Variants in TENM1 observed in about 807,000 individuals in gnomAD.
The protein encoded by TENM1 is teneurin transmembrane protein 1, also known as teneurin-1.
A neutral mutation model predicts 174.8 loss-of-function variants in TENM1; 35 were observed. The observed-to-expected ratio is 0.20, with a 90% CI of 0.15 to 0.27. The LOEUF is 0.27. Among genes scored for constraint, TENM1 ranks in the 10% least tolerant of loss-of-function variants. The pLI is 1.00. For synonymous variants in TENM1, 781 were observed against 798.7 expected (o/e 0.98, Z 0.37); for missense variants, 1,633 against 2,130.1 (o/e 0.77, Z 4.59).
intron 22 of TENM1, among the ~76,000 whole-genome samples, chrX:124,462,437 GGGT>G (rs1394978680): frequency 0.044 from 4,261 of 96,911 alleles, 112 homozygotes; most frequent in Middle Eastern, 0.056. Context: ...TGTGTGGGGG[GGGT>G]GGGGGTGGGG....
At chrX:124,626,647 T>G (rs1018813131) in intron 11 of TENM1, among the ~76,000 whole-genome samples, 1 of 112,203 alleles carries the variant, frequency 8.9e-6, no homozygotes, top group African/African-American at 3.2e-5. Flanking sequence ...CTTTAAACTT[T>G]TATCTATTAC....
At chrX:125,148,141 G>GA in the TENM1 span, among the ~76,000 whole-genome samples, 1 of 110,920 alleles carries the variant, frequency 9.0e-6, no homozygotes, top group African/African-American at 3.3e-5. Flanking sequence ...TGCCTCATCT[G>GA]AAAACTTGCT....
intron 11 of TENM1, among the ~76,000 whole-genome samples, chrX:124,613,284 G>GA (rs1463802620): frequency 9.0e-6 from 1 of 110,828 alleles, no homozygotes; most frequent in Non-Finnish European, 1.9e-5. Context: ...GCATTATGAG[G>GA]AAAAAATAGA....
chrX:124,880,813 C>G (rs969587873), intron 3 of TENM1, among the ~76,000 whole-genome samples: 2 of 111,548 alleles, frequency 1.8e-5, no homozygotes, highest in African/African-American at 6.5e-5. Flanking sequence ...GTCCTTCATT[C>G]TGTTGATGTG....
chrX:124,497,220 T>C, exon 20 of TENM1: 1 of 1,208,899 alleles, frequency 8.3e-7, no homozygotes. Context: ...GACTGGGGGC[T>C]GCTGGGAAAT....
At chrX:124,840,708 G>A (rs2056480318) in intron 3 of TENM1, among the ~76,000 whole-genome samples, 1 of 111,768 alleles carries the variant, frequency 8.9e-6, no homozygotes, top group African/African-American at 3.2e-5. Context: ...ATCTGTTTTC[G>A]TTAGGTTAAT....
chrX:124,518,224 G>A (rs149307940), intron 18 of TENM1, among the ~76,000 whole-genome samples: 1,544 of 110,208 alleles, frequency 0.014, 34 homozygotes, highest in African/African-American at 0.049. Context: ...AGTAAAGCGG[G>A]GAGAGGGATA....
intron 3 of TENM1, among the ~76,000 whole-genome samples, chrX:124,873,505 GA>G (rs1184198779): frequency 8.9e-6 from 1 of 111,868 alleles, no homozygotes; most frequent in African/African-American, 3.2e-5. Flanking sequence ...GAATAGAAGA[GA>G]AAATGTCAGA....
intron 3 of TENM1, among the ~76,000 whole-genome samples, chrX:124,860,318 A>G (rs1326103125): frequency 8.9e-6 from 1 of 111,851 alleles, no homozygotes; most frequent in African/African-American, 3.3e-5. Context: ...TGTACAATGG[A>G]AGAGAGTAGT....
intron 22 of TENM1, among the ~76,000 whole-genome samples, chrX:124,455,186 C>A (rs774001216): frequency 1.8e-5 from 2 of 111,984 alleles, no homozygotes; most frequent in African/African-American, 6.5e-5. Flanking sequence ...CTAAAGTCAT[C>A]TATGTTTTGG....
chrX:124,403,096 A>G (rs1183034591), intron 27 of TENM1, among the ~76,000 whole-genome samples: 3 of 111,283 alleles, frequency 2.7e-5, no homozygotes, highest in Non-Finnish European at 5.7e-5. Flanking sequence ...TAGAATCGAA[A>G]CATAAAAATT....
chrX:124,702,654 G>A (rs917927404), intron 5 of TENM1, among the ~76,000 whole-genome samples: 5 of 112,043 alleles, frequency 4.5e-5, no homozygotes, highest in African/African-American at 1.6e-4. Flanking sequence ...AGTGCTAGAA[G>A]AGCAGCAAGG....
At chrX:124,916,225 G>A (rs1426277550) in intron 1 of TENM1, among the ~76,000 whole-genome samples, 3 of 111,678 alleles carry the variant, frequency 2.7e-5, no homozygotes, top group Admixed American at 9.4e-5. Context: ...ATTGTTTAAG[G>A]GGTGGACACC....
At chrX:124,838,647 C>T (rs755235321) in intron 3 of TENM1, among the ~76,000 whole-genome samples, 3 of 110,911 alleles carry the variant, frequency 2.7e-5, no homozygotes, top group African/African-American at 6.6e-5. Flanking sequence ...CCACCTGTTA[C>T]GCAAGGCAGT....
At chrX:124,550,597 G>A (rs1467572618) in intron 14 of TENM1, among the ~76,000 whole-genome samples, 3 of 3,391 alleles carry the variant, frequency 8.8e-4, no homozygotes, top group African/African-American at 1.3e-3. Flanking sequence ...TGTTATGCAT[G>A]CAAATCACAC....
At chrX:124,652,197 T>G (rs760683890) in intron 7 of TENM1, 73 bp from the exon 11 acceptor site, 2 of 1,101,145 alleles carry the variant, frequency 1.8e-6, no homozygotes, top group Admixed American at 5.9e-5. Context: ...TAACTTCAAC[T>G]GCCCTATTTC....
chrX:124,516,959 C>T (rs898174283), intron 18 of TENM1, among the ~76,000 whole-genome samples: 3 of 111,543 alleles, frequency 2.7e-5, no homozygotes, highest in East Asian at 2.8e-4. Flanking sequence ...CATGGAATAC[C>T]GTACAGCCAT....
At chrX:124,441,627 G>C (rs1277752398) in intron 23 of TENM1, among the ~76,000 whole-genome samples, 1 of 111,951 alleles carries the variant, frequency 8.9e-6, no homozygotes, top group Non-Finnish European at 1.9e-5. Flanking sequence ...CAAATGAATA[G>C]AACAAAACAT....
chrX:124,592,171 C>T (rs1436821060), intron 11 of TENM1, among the ~76,000 whole-genome samples: 1 of 111,737 alleles, frequency 8.9e-6, no homozygotes, highest in African/African-American at 3.2e-5. Context: ...TGATTTTCAA[C>T]CTTGTCTTGG....
Sources: gnomAD v4.1 joint callset for allele counts (sites outside exome capture counted in the v4.1 genomes callset) on GRCh38, gnomAD v4.1.1 for gene constraint, MANE v1.5 for transcripts, NCBI Gene and HGNC (gene_info 2026-07-23, HGNC 2026-07-21) for gene names.